VPS53: variants seen among roughly 807,000 people sequenced by gnomAD.
The protein encoded by VPS53 is vacuolar protein sorting-associated protein 53 homolog.
In VPS53, 70 loss-of-function variants were observed where a neutral mutation model predicts 107.0. The observed-to-expected ratio is 0.65, with a 90% CI of 0.54 to 0.80. The LOEUF is 0.80. VPS53 is among the 30% of genes least tolerant of loss of function. VPS53 has a pLI of 0.00. For missense variants in VPS53, 917 were observed against 1,049.4 expected (o/e 0.87, Z 1.74); for synonymous variants, 409 against 393.3 (o/e 1.04, Z -0.47).
At chr17:536,503 G>A (rs1022954962) in intron 18 of VPS53, 1 of 155,810 alleles carries the variant, frequency 6.4e-6, no homozygotes, top group African/African-American at 2.4e-5. Flanking sequence ...ACAACAGTAG[G>A]CCCCATTCAT....
rs961772427 is a variant in VPS53 at position 514,702 on chromosome 17, A to G, written c.*4426T>C. On this transcript the variant is annotated 3_prime_UTR_variant, in exon 22 of 22. Transcript: ENST00000437048. ...AGGAAGGGTTGGTGTCATACCCTGC[A>G]TCGAGCAGCAGCCTCGGACCTGCCC... is the stretch of plus-strand genomic sequence containing the variant. 1 of 152,664 alleles carries G rather than the reference A, an allele frequency of 6.6e-6. No homozygotes were observed. Among genetic ancestry groups the G allele is most frequent in the African/African-American group, 2.4e-5 (1 of 41,468 alleles). The allele number at this position is 152,664 out of a possible 1,614,324, so 9.5% of individuals were successfully genotyped here. A position where few individuals can be genotyped will look rare whatever the true frequency, so the allele number is the denominator to read the frequency against.
intron 15 of VPS53, among the ~76,000 whole-genome samples, chr17:555,601 C>T (rs528957790): frequency 4.6e-5 from 7 of 152,302 alleles, no homozygotes; most frequent in African/African-American, 1.7e-4. Flanking sequence ...TCCCAAAGTG[C>T]TGGGATTACA....
At chr17:662,455 C>T (rs1266467312) in intron 4 of VPS53, among the ~76,000 whole-genome samples, 6 of 151,874 alleles carry the variant, frequency 4.0e-5, no homozygotes, top group East Asian at 3.9e-4. Context: ...TTTGGGAGGC[C>T]AAGGCGGGCA....
chr17:544,569 C>T (rs1911037624), intron 17 of VPS53, among the ~76,000 whole-genome samples: 1 of 152,212 alleles, frequency 6.6e-6, no homozygotes, highest in Non-Finnish European at 1.5e-5. Flanking sequence ...GCCTCTCAGG[C>T]TCAAGTGACC....
intron 17 of VPS53, chr17:540,681 G>T (rs1268309002): frequency 6.6e-6 from 1 of 152,158 alleles, no homozygotes; most frequent in Non-Finnish European, 1.5e-5. Flanking sequence ...TGTTTTGGGG[G>T]CTTGGGTAGA....
At chr17:582,547 C>T (rs1445906079) in intron 13 of VPS53, among the ~76,000 whole-genome samples, 3 of 147,506 alleles carry the variant, frequency 2.0e-5, no homozygotes, top group African/African-American at 4.9e-5. Context: ...AAGCTCAATG[C>T]GTTCCCAGAG....
intron 13 of VPS53, among the ~76,000 whole-genome samples, chr17:575,923 C>T (rs1914564581): frequency 6.6e-6 from 1 of 151,726 alleles, no homozygotes; most frequent in African/African-American, 2.4e-5. Flanking sequence ...TAATGCGTTC[C>T]CAGAGAAATT....
In VPS53 at chr17:517,373, A is replaced by G; in HGVS notation, c.*1755T>C. The G allele has an allele frequency of 2.5e-6, 1 of 399,736 alleles. No individual in the cohort carries two copies. Among genetic ancestry groups the G allele is most frequent in the Non-Finnish European group, 4.4e-6 (1 of 226,532 alleles). The allele number at this position is 399,736 out of a possible 1,614,324, so 24.8% of individuals were successfully genotyped here. On this transcript the variant is annotated 3_prime_UTR_variant, in exon 22 of 22. Coordinates refer to ENST00000437048, the MANE Select transcript of VPS53 (RefSeq NM_001128159.3). ...CAGAGCTGGACGGCATCGGGGAGAA[A>G]GCCTGGCAGAGAGGGCAGGGGCACA... is the stretch of plus-strand genomic sequence containing the variant.
chr17:523,538 C>T (rs1365984525), intron 19 of VPS53: 1 of 152,122 alleles, frequency 6.6e-6, no homozygotes, highest in Non-Finnish European at 1.5e-5. Flanking sequence ...AACTAAGTAA[C>T]GACAGATACT....
Position 572,837 on chromosome 17 carries a change from C to A in VPS53, c.1314-10092G>T, listed in dbSNP as rs1162562518. Among the ~76,000 whole-genome samples the A allele has an allele frequency of 2.0e-5, 3 of 150,402 alleles. 1 individual carries two copies. Among genetic ancestry groups the A allele is most frequent in the Non-Finnish European group, 4.4e-5 (3 of 67,882 alleles). On this transcript the variant is annotated intron_variant, in intron 13 of 21. Coordinates refer to ENST00000437048, the MANE Select transcript of VPS53 (RefSeq NM_001128159.3). ...AACAGATGCTTGAAGGCAGCATGCT[C>A]GTTAAGAGTCATCACCACTCCCTAA...
chr17:700,765 T>C (rs958754819), intron 2 of VPS53, among the ~76,000 whole-genome samples: 1 of 152,172 alleles, frequency 6.6e-6, no homozygotes, highest in African/African-American at 2.4e-5. Flanking sequence ...CAAAATACAA[T>C]TTAATAAATC....
rs1597495729 is a variant in VPS53, at chr17:694,150, C to T, written c.285+3268G>A. Among the ~76,000 whole-genome samples, 4 of 152,312 alleles carry T rather than the reference C, an allele frequency of 2.6e-5. No individual in the cohort carries two copies. The East Asian group carries it at 7.7e-4, about 29-fold the overall frequency. ...ACAGATGGGGCCATGACAGGAAAAG[C>T]AGTTATTTCTTCTGGGCTTCCTTTC... On this transcript the variant is annotated intron_variant, in intron 4 of 21. Transcript: ENST00000437048.
chr17:694,362 CTG>C (rs1972874120), intron 4 of VPS53, among the ~76,000 whole-genome samples: 1 of 152,172 alleles, frequency 6.6e-6, no homozygotes, highest in Admixed American at 6.5e-5. Context: ...GGGTCTGACT[CTG>C]TAATACCGCT....
chr17:705,211 T>A (rs1973356625), intron 2 of VPS53, among the ~76,000 whole-genome samples: 1 of 152,092 alleles, frequency 6.6e-6, no homozygotes, highest in Non-Finnish European at 1.5e-5. Context: ...CTCTTTCTCC[T>A]TACACTCAGT....
intron 4 of VPS53, among the ~76,000 whole-genome samples, chr17:663,584 T>C (rs1449756379): frequency 6.6e-6 from 1 of 152,200 alleles, no homozygotes; most frequent in Non-Finnish European, 1.5e-5. Context: ...CACTGGACCG[T>C]CCGTGAGTAA....
At chr17:679,507 C>A (rs1186280533) in intron 4 of VPS53, among the ~76,000 whole-genome samples, 2 of 151,936 alleles carry the variant, frequency 1.3e-5, no homozygotes, top group South Asian at 2.1e-4. Context: ...GAGCAAGACT[C>A]CGTCTCAAAA....
Position 518,647 on chromosome 17 carries a change from T to C in VPS53, c.*481A>G, listed in dbSNP as rs1425011040. ...GGCTGGGCTCGGTGGCTCACGCCTG[T>C]AATCCGATACTCAGGAGGCTGAGGC... is the stretch of plus-strand genomic sequence containing the variant. On this transcript the variant is annotated 3_prime_UTR_variant, in exon 22 of 22. Transcript: ENST00000437048. The C allele has an allele frequency of 6.6e-6, 1 of 151,150 alleles. No individual in the cohort carries two copies. Among genetic ancestry groups the C allele is most frequent in the Non-Finnish European group, 1.5e-5 (1 of 68,164 alleles). 9.4% of individuals were successfully genotyped at this position (151,150 alleles called of 1,614,324 possible). A position where few individuals can be genotyped will look rare whatever the true frequency, so the allele number is the denominator to read the frequency against.
At chr17:609,850 C>T (rs1597377070) in intron 11 of VPS53, among the ~76,000 whole-genome samples, 1 of 152,188 alleles carries the variant, frequency 6.6e-6, no homozygotes, top group East Asian at 1.9e-4. Context: ...GTAGACAAGG[C>T]CGGGTGCGGT....
At chr17:545,331 G>A (rs1411170373) in intron 17 of VPS53, among the ~76,000 whole-genome samples, 3 of 152,084 alleles carry the variant, frequency 2.0e-5, no homozygotes, top group East Asian at 1.9e-4. Flanking sequence ...ACACCCCCGC[G>A]GGCTCGTATT....
Sources: allele counts gnomAD v4.1 joint callset (sites outside exome capture counted in the v4.1 genomes callset), GRCh38; gene constraint gnomAD v4.1.1; transcripts MANE v1.5; gene names NCBI Gene and HGNC (gene_info 2026-07-23, HGNC 2026-07-21).